Variants in CNKSR2 observed in about 807,000 individuals in gnomAD.
CNKSR2 encodes CNK homolog protein 2.
In CNKSR2, 14 loss-of-function variants were observed where a neutral mutation model predicts 84.4. The ratio of observed to expected loss-of-function variants is 0.17; its 90% CI spans 0.11 to 0.26. The LOEUF (loss-of-function observed/expected upper bound fraction) is 0.26, where lower values mean the gene tolerates loss of function less well. CNKSR2 is among the 10% of genes least tolerant of loss of function. CNKSR2 has a pLI of 1.00. For synonymous variants in CNKSR2, 275 were observed against 277.9 expected (o/e 0.99, Z 0.10); for missense variants, 485 against 771.2 (o/e 0.63, Z 4.40).
intron 1 of CNKSR2, chrX:21,423,548 C>A (rs750871984): frequency 3.7e-4 from 41 of 111,759 alleles, no homozygotes; most frequent in Non-Finnish European, 5.5e-4. Flanking sequence ...ATTTGGTTTT[C>A]TTGAGAATCC....
At chrX:21,486,341 T>C (rs2091385305) in intron 5 of CNKSR2, among the ~76,000 whole-genome samples, 1 of 111,657 alleles carries the variant, frequency 9.0e-6, no homozygotes, top group Non-Finnish European at 1.9e-5. Context: ...CTTGCAAGCC[T>C]GCCTTATATT....
intron 5 of CNKSR2, among the ~76,000 whole-genome samples, chrX:21,489,971 A>G (rs1253911956): frequency 1.8e-5 from 2 of 111,994 alleles, no homozygotes; most frequent in African/African-American, 6.5e-5. Flanking sequence ...GGGAAACTTT[A>G]TACAAAGTTG....
chrX:21,439,329 A>G (rs933688880), intron 3 of CNKSR2, among the ~76,000 whole-genome samples: 2 of 111,497 alleles, frequency 1.8e-5, no homozygotes, highest in Non-Finnish European at 3.8e-5. Flanking sequence ...AAAAGACCAA[A>G]TCATAATTTG....
chrX:21,497,867 A>G (rs1463075012), intron 7 of CNKSR2, 21 bp downstream of exon 7: 2 of 734,997 alleles, frequency 2.7e-6, no homozygotes, highest in Admixed American at 2.3e-5. Flanking sequence ...TAACCTTTCA[A>G]ATTTTTAAGT....
intron 17 of CNKSR2, among the ~76,000 whole-genome samples, chrX:21,600,146 G>C (rs969112655): frequency 1.8e-5 from 2 of 111,701 alleles, no homozygotes; most frequent in Non-Finnish European, 3.8e-5. Context: ...ATGCGATTTT[G>C]TCTATTAGAG....
chrX:21,557,480 A>G (rs1290414549), intron 11 of CNKSR2, among the ~76,000 whole-genome samples: 1 of 111,140 alleles, frequency 9.0e-6, no homozygotes, highest in African/African-American at 3.3e-5. Context: ...GAATACAGGA[A>G]TAAATACAGC....
chrX:21,531,373 G>A (rs1388078858), intron 10 of CNKSR2, among the ~76,000 whole-genome samples: 2 of 110,451 alleles, frequency 1.8e-5, no homozygotes, highest in Admixed American at 9.6e-5. Flanking sequence ...AACAATTTAT[G>A]TGCTAAGGTA....
At chrX:21,594,014 C>T (rs2092436602) in intron 15 of CNKSR2, 1 of 111,699 alleles carries the variant, frequency 9.0e-6, no homozygotes, top group Admixed American at 9.5e-5. Flanking sequence ...CATAAAGACA[C>T]ATGCACGTGA....
At chrX:21,545,877 A>G (rs1428158718) in intron 11 of CNKSR2, among the ~76,000 whole-genome samples, 4 of 112,182 alleles carry the variant, frequency 3.6e-5, no homozygotes, top group Non-Finnish European at 7.5e-5. Flanking sequence ...GAATAGCATC[A>G]ACATCAACAA....
At chrX:21,596,355 T>C (rs2092450828) in intron 17 of CNKSR2, among the ~76,000 whole-genome samples, 3 of 112,018 alleles carry the variant, frequency 2.7e-5, no homozygotes, top group Non-Finnish European at 5.6e-5. Flanking sequence ...GTATTAGCCC[T>C]TTAATAAAGT....
chrX:21,390,981 C>T lies in CNKSR2; in HGVS notation c.64+16020C>T, dbSNP rs187671566. Among the ~76,000 whole-genome samples the T allele has an allele frequency of 3.7e-3, 418 of 111,965 alleles. 2 individuals are homozygous for T. Among genetic ancestry groups the T allele is most frequent in the African/African-American group, 0.011 (340 of 30,846 alleles). On this transcript the variant is annotated intron_variant, in intron 1 of 21. Coordinates refer to ENST00000379510, the MANE Select transcript of CNKSR2 (RefSeq NM_014927.5). ...CATGCAATTCTGAAACCCAGCAGGG[C>T]GGTCATTAAATCTTATAGCTCCGTA... is the stretch of plus-strand genomic sequence containing the variant.
At chrX:21,399,708 G>A (rs1163088623) in intron 1 of CNKSR2, among the ~76,000 whole-genome samples, 4 of 111,009 alleles carry the variant, frequency 3.6e-5, no homozygotes, top group Non-Finnish European at 7.6e-5. Context: ...CCAAAGAATA[G>A]GCCTGTCAGG....
intron 6 of CNKSR2, among the ~76,000 whole-genome samples, chrX:21,495,880 G>A (rs1040572582): frequency 1.1e-4 from 11 of 102,536 alleles, no homozygotes; most frequent in Admixed American, 4.2e-4. Context: ...ATTTAATGAC[G>A]GGATTCCATT....
chrX:21,573,691 C>A (rs1601966981), intron 13 of CNKSR2, among the ~76,000 whole-genome samples: 1 of 111,386 alleles, frequency 9.0e-6, no homozygotes, highest in Non-Finnish European at 1.9e-5. Context: ...GGCACCAAGT[C>A]CCTAGGCTGC....
At chrX:21,510,582 C>T (rs2147084264) in intron 8 of CNKSR2, among the ~76,000 whole-genome samples, 1 of 111,267 alleles carries the variant, frequency 9.0e-6, no homozygotes, top group Non-Finnish European at 1.9e-5. Flanking sequence ...TCAGCACCAA[C>T]CCCAAAGCCT....
chrX:21,415,859 CACACACACACACAT>C (rs2090413919), intron 1 of CNKSR2, among the ~76,000 whole-genome samples: 1 of 103,631 alleles, frequency 9.6e-6, no homozygotes, highest in Non-Finnish European at 2.0e-5. Flanking sequence ...CACACACACA[CACACACACACACAT>C]ATATATATAT....
In CNKSR2 at chrX:21,563,426, C is replaced by T; in HGVS notation, c.1582C>T (p.Pro528Ser). 8.3e-7 allele frequency: 1 copy of T among 1,207,639 alleles called. No homozygotes were observed. The highest frequency in any genetic ancestry group is 3.0e-5 in the East Asian group (1 of 33,776). Residue 528 changes from proline to serine, a missense_variant, in exon 13 of 22, where the codon CCT (proline) becomes TCT (serine). By Grantham distance (74) the Pro-to-Ser change is moderately conservative (BLOSUM62 -1). Coordinates refer to ENST00000379510, the MANE Select transcript of CNKSR2 (RefSeq NM_014927.5). ...DALRQDIMGTPVPETTLYHTF... is the reference protein window; with the variant it reads ...DALRQDIMGTSVPETTLYHTF... Reference sequence around the variant, plus strand: ...ACTGAGACAAGACATCATGGGCACTCCTGTGCCAGAGACCACACTATACCA... The same window carrying T: ...ACTGAGACAAGACATCATGGGCACTTCTGTGCCAGAGACCACACTATACCA...
At chrX:21,516,261 A>G (rs2091727158) in intron 8 of CNKSR2, among the ~76,000 whole-genome samples, 1 of 111,616 alleles carries the variant, frequency 9.0e-6, no homozygotes, top group Non-Finnish European at 1.9e-5. Flanking sequence ...TTGATTTGAC[A>G]TGGTAAATGT....
At chrX:21,469,020 G>A (rs1298767885) in intron 4 of CNKSR2, among the ~76,000 whole-genome samples, 2 of 112,141 alleles carry the variant, frequency 1.8e-5, no homozygotes. Context: ...CATTAGGAAT[G>A]TGCTAGTAAA....
Sources: gnomAD v4.1 joint callset for allele counts (sites outside exome capture counted in the v4.1 genomes callset) on GRCh38, gnomAD v4.1.1 for gene constraint, MANE v1.5 for transcripts, NCBI Gene and HGNC (gene_info 2026-07-23, HGNC 2026-07-21) for gene names.